The following ERC2 variants were observed in gnomAD, a reference collection of about 807,000 sequenced individuals.
The protein encoded by ERC2 is ERC protein 2.
Under a neutral mutation model 114.8 loss-of-function variants are expected in ERC2, and 42 were observed. The observed-to-expected ratio is 0.37, with a 90% confidence interval of 0.29 to 0.47. ERC2 has a LOEUF of 0.47. ERC2 is among the 20% of genes least tolerant of loss of function. The pLI is 0.99. For missense variants in ERC2, 939 were observed against 1,150.7 expected, an observed-to-expected ratio of 0.82 and a Z score of 2.66; for synonymous variants, 454 against 425.5, an observed-to-expected ratio of 1.07 and a Z score of -0.82.
chr3:56,007,442 T>A (rs1387029313), intron 9 of ERC2, 121 bp from the exon 10 acceptor site: 1 of 898,426 alleles, frequency 1.1e-6, no homozygotes, highest in African/African-American at 1.7e-5. Context: ...AGGGTAAATA[T>A]AATCTTACTA....
intron 6 of ERC2, among the ~76,000 whole-genome samples, chr3:56,127,863 T>A (rs2079970043): frequency 6.6e-6 from 1 of 151,984 alleles, no homozygotes; most frequent in Non-Finnish European, 1.5e-5. Context: ...GTATACACAA[T>A]GGGGAAAGGA....
chr3:56,064,753 C>A (rs2076395129), intron 7 of ERC2, among the ~76,000 whole-genome samples: 1 of 126,224 alleles, frequency 7.9e-6, no homozygotes, highest in South Asian at 2.6e-4. Flanking sequence ...GATAGAGTTG[C>A]CTAGAGGCTG....
At chr3:55,952,383 C>T (rs2067643505) in intron 12 of ERC2, among the ~76,000 whole-genome samples, 1 of 151,828 alleles carries the variant, frequency 6.6e-6, no homozygotes, top group South Asian at 2.1e-4. Context: ...TTACCTGATA[C>T]AGCAACATAC....
At chr3:55,901,433 A>G (rs1397306044) in intron 13 of ERC2, among the ~76,000 whole-genome samples, 2 of 152,148 alleles carry the variant, frequency 1.3e-5, no homozygotes, top group Non-Finnish European at 2.9e-5. Context: ...TGGAGTTGAA[A>G]GATTATTCAA....
At chr3:56,350,995 G>A in intron 2 of ERC2, among the ~76,000 whole-genome samples, 1 of 152,200 alleles carries the variant, frequency 6.6e-6, no homozygotes, top group South Asian at 2.1e-4. Context: ...TTGCTAGGAA[G>A]AGGGATAGCC....
intron 2 of ERC2, among the ~76,000 whole-genome samples, chr3:56,348,888 G>GAAGGAAAGAAGGAAGA (rs2150517944): frequency 3.0e-5 from 1 of 33,318 alleles, no homozygotes; most frequent in African/African-American, 8.1e-5. Flanking sequence ...AGGAAGGAAG[G>GAAGGAAAGAAGGAAGA]AAGGAAGGAA....
chr3:56,044,753 G>A (rs7615948), intron 7 of ERC2, among the ~76,000 whole-genome samples: 41,513 of 151,800 alleles, frequency 0.27, 6,273 homozygotes, highest in Admixed American at 0.34. Context: ...ATTAGGACGC[G>A]GTTCATTTTT....
intron 3 of ERC2, among the ~76,000 whole-genome samples, chr3:56,221,713 G>A (rs1409440264): frequency 6.6e-6 from 1 of 152,106 alleles, no homozygotes; most frequent in Non-Finnish European, 1.5e-5. Context: ...GACCATCCTG[G>A]CTAACTCAGT....
At chr3:55,914,941 A>G (rs2065008607) in intron 13 of ERC2, among the ~76,000 whole-genome samples, 1 of 152,186 alleles carries the variant, frequency 6.6e-6, no homozygotes, top group Admixed American at 6.5e-5. Flanking sequence ...AAAAGCAAAC[A>G]ATTAAGATAG....
intron 17 of ERC2, among the ~76,000 whole-genome samples, chr3:55,617,997 T>C (rs1326776058): frequency 1.3e-5 from 2 of 151,898 alleles, no homozygotes; most frequent in Non-Finnish European, 1.5e-5. Context: ...AAATTTTAGA[T>C]AGAGCATTAT....
rs528054379 is a variant in ERC2, at chr3:55,776,202, AG to A, written c.2565-41285del. Among the ~76,000 whole-genome samples, 705 of 151,980 alleles carry A rather than the reference AG, an allele frequency of 4.6e-3. 4 individuals are homozygous for A. Among genetic ancestry groups the A allele is most frequent in the African/African-American group, 0.016 (665 of 41,392 alleles). ...CTGACCAAGTGAACTGGAATTATAA[AG>A]GGCACACAAGCCACACGGGGCCTCC... On this transcript the variant is annotated intron_variant, in intron 14 of 17. Transcript: ENST00000288221.
chr3:56,210,302 G>A (rs560359532), intron 3 of ERC2, among the ~76,000 whole-genome samples: 2 of 152,248 alleles, frequency 1.3e-5, no homozygotes, highest in South Asian at 2.1e-4. Context: ...GAAAAGAAGG[G>A]AACAGGCCAA....
chr3:56,217,847 T>A (rs1480548988), intron 3 of ERC2, among the ~76,000 whole-genome samples: 1 of 151,732 alleles, frequency 6.6e-6, no homozygotes, highest in Admixed American at 6.6e-5. Context: ...TATCTACAAC[T>A]ATCTGATCTT....
In ERC2 at chr3:56,280,073, G is replaced by A. The variant is rs140987422; in HGVS notation, c.1074+15946C>T. The stretch of plus-strand genomic sequence containing the variant: ...ATCATAAGGGTTTTGATAAGAGGGA[G>A]GCAAGAGGGTCAAAGTCACGGGGCA... On this transcript the variant is annotated intron_variant, in intron 3 of 17. Transcript: ENST00000288221. Among the ~76,000 whole-genome samples the A allele has an allele frequency of 2.6e-3, 396 of 152,264 alleles. 3 individuals are homozygous for A. The highest frequency in any genetic ancestry group is 9.3e-3 in the African/African-American group (387 of 41,536).
intron 3 of ERC2, among the ~76,000 whole-genome samples, chr3:56,262,792 AT>A (rs1190798986): frequency 6.6e-6 from 1 of 152,220 alleles, no homozygotes; most frequent in African/African-American, 2.4e-5. Context: ...TTGGTCCCCA[AT>A]TTTGGTATCA....
intron 17 of ERC2, among the ~76,000 whole-genome samples, chr3:55,581,395 T>G (rs2057254124): frequency 6.6e-6 from 1 of 152,146 alleles, no homozygotes; most frequent in Admixed American, 6.5e-5. Flanking sequence ...GTGCAGATTT[T>G]TTAAGAGTAT....
chr3:55,976,281 G>A (rs370987225), intron 12 of ERC2, among the ~76,000 whole-genome samples: 4 of 152,072 alleles, frequency 2.6e-5, no homozygotes, highest in Non-Finnish European at 4.4e-5. Flanking sequence ...AGAAGAGTAC[G>A]GAAAACCCAT....
chr3:56,256,178 T>G (rs1301274311), intron 3 of ERC2, among the ~76,000 whole-genome samples: 2 of 152,238 alleles, frequency 1.3e-5, no homozygotes, highest in Admixed American at 6.5e-5. Context: ...AACGAAAGAA[T>G]GCCTATGAAT....
chr3:56,303,950 A>G (rs970783424), intron 2 of ERC2, among the ~76,000 whole-genome samples: 24 of 152,202 alleles, frequency 1.6e-4, no homozygotes, highest in African/African-American at 5.8e-4. Flanking sequence ...AAAAATTACC[A>G]CAGACACAAG....
Sources: gnomAD v4.1 joint callset for allele counts (sites outside exome capture counted in the v4.1 genomes callset) on GRCh38, gnomAD v4.1.1 for gene constraint, MANE v1.5 for transcripts, NCBI Gene and HGNC (gene_info 2026-07-23, HGNC 2026-07-21) for gene names.